NRXN3: variants seen among roughly 807,000 people sequenced by gnomAD.
NRXN3 encodes the protein neurexin III.
Under a neutral mutation model 137.6 loss-of-function variants are expected in NRXN3, and 32 were observed. That is an observed-to-expected ratio of 0.23 (90% CI 0.18 to 0.31). NRXN3 has a LOEUF of 0.31. Among genes scored for constraint, NRXN3 ranks in the 10% least tolerant of loss-of-function variants. NRXN3 has a pLI of 1.00. For synonymous variants in NRXN3, 798 were observed against 784.5 expected (o/e 1.02, Z -0.29); for missense variants, 1,574 against 2,062.5 (o/e 0.76, Z 4.59).
At chr14:78,467,503 G>C (rs1455527982) in intron 4 of NRXN3, among the ~76,000 whole-genome samples, 4 of 152,174 alleles carry the variant, frequency 2.6e-5, no homozygotes, top group East Asian at 1.9e-4. Context: ...TACAGCCCAG[G>C]TTATTAAAGT....
At chr14:78,946,261 A>G (rs1036940676) in intron 10 of NRXN3, among the ~76,000 whole-genome samples, 48 of 152,204 alleles carry the variant, frequency 3.2e-4, no homozygotes, top group African/African-American at 8.4e-4. Context: ...GGAAAGTGCT[A>G]TTTAGAGTTG....
Position 78,784,822 on chromosome 14 carries a change from C to T in NRXN3, c.2045-18798C>T, listed in dbSNP as rs537104651. Among the ~76,000 whole-genome samples the T allele has an allele frequency of 2.6e-5, 4 of 152,160 alleles. 1 individual carries two copies. In the South Asian group the frequency reaches 8.3e-4, roughly 32 times the overall value. On this transcript the variant is annotated intron_variant, in intron 8 of 20. Coordinates refer to ENST00000335750, the MANE Select transcript of NRXN3 (RefSeq NM_001330195.2). ...ATGACAGTAGAGTCAATGAGCCTTG[C>T]GTGTTCTCAGAAGATAGACTGAGAA...
chr14:78,536,310 A>T (rs181676270), intron 4 of NRXN3, among the ~76,000 whole-genome samples: 212 of 152,242 alleles, frequency 1.4e-3, no homozygotes, highest in African/African-American at 4.7e-3. Context: ...CATTTTCCCT[A>T]GATAGTAGCT....
At chr14:79,768,090 G>T (rs1346952662) in intron 19 of NRXN3, among the ~76,000 whole-genome samples, 1 of 152,226 alleles carries the variant, frequency 6.6e-6, no homozygotes, top group Non-Finnish European at 1.5e-5. Flanking sequence ...CGCACCAGGA[G>T]ATTATATCCC....
chr14:79,462,650 T>TAC (rs139095570), intron 15 of NRXN3, among the ~76,000 whole-genome samples: 16 of 150,958 alleles, frequency 1.1e-4, no homozygotes, highest in African/African-American at 3.2e-4. Context: ...CATATATATA[T>TAC]ACACACACAC....
intron 4 of NRXN3, chr14:78,300,641 C>A: frequency 6.6e-7 from 1 of 1,519,568 alleles, no homozygotes; most frequent in Non-Finnish European, 8.8e-7. Flanking sequence ...ATGGTGAACA[C>A]CATGCTTCCT....
At chr14:78,470,142 G>A (rs2095230660) in intron 4 of NRXN3, among the ~76,000 whole-genome samples, 1 of 152,088 alleles carries the variant, frequency 6.6e-6, no homozygotes, top group South Asian at 2.1e-4. Flanking sequence ...ATCTATTTTG[G>A]AGAAATATTT....
chr14:79,255,024 C>T (rs550301571), intron 15 of NRXN3, among the ~76,000 whole-genome samples: 6 of 152,282 alleles, frequency 3.9e-5, no homozygotes, highest in East Asian at 1.9e-4. Flanking sequence ...TGATTTAAGC[C>T]TTGTTTCATT....
At chr14:79,319,339 C>T (rs1359311299) in intron 15 of NRXN3, among the ~76,000 whole-genome samples, 3 of 152,174 alleles carry the variant, frequency 2.0e-5, no homozygotes, top group Middle Eastern at 3.2e-3. Context: ...ATTACTTTCT[C>T]ATAAATACTA....
At chr14:78,643,343 T>C (rs2097654182) in intron 4 of NRXN3, among the ~76,000 whole-genome samples, 1 of 152,170 alleles carries the variant, frequency 6.6e-6, no homozygotes, top group Non-Finnish European at 1.5e-5. Flanking sequence ...CTCCAATCTT[T>C]AGAGGGAAAC....
At chr14:79,811,611 T>A (rs1236751796) in intron 20 of NRXN3, among the ~76,000 whole-genome samples, 1 of 144,110 alleles carries the variant, frequency 6.9e-6, no homozygotes, top group African/African-American at 2.6e-5. Context: ...AGATGGAGTG[T>A]CACTCTGTCG....
intron 6 of NRXN3, among the ~76,000 whole-genome samples, chr14:78,653,743 A>ACACG (rs398025852): frequency 1.3e-4 from 19 of 151,446 alleles, no homozygotes; most frequent in African/African-American, 3.6e-4. Flanking sequence ...ACACACACAC[A>ACACG]TTTTTGCTGC....
At chr14:79,844,789 C>CCAGCTACATTAGCCCTT (rs1418270134) in intron 20 of NRXN3, among the ~76,000 whole-genome samples, 2 of 152,170 alleles carry the variant, frequency 1.3e-5, no homozygotes, top group African/African-American at 4.8e-5. Context: ...CTTTAAGTCA[C>CCAGCTACATTAGCCCTT]CAGCTACATT....
rs548969346 is a variant in NRXN3 at position 78,749,184 on chromosome 14, G to A, written c.2044+34045G>A. On this transcript the variant is annotated intron_variant, in intron 8 of 20. Transcript: ENST00000335750. Reference sequence around the variant, plus strand: ...GCAGTGACTTCTTCCTGGCTCTACTGTGGGCCTCCTGATGGATGGACATGG... The same window carrying A: ...GCAGTGACTTCTTCCTGGCTCTACTATGGGCCTCCTGATGGATGGACATGG... Among the ~76,000 whole-genome samples, 8 of 152,266 alleles carry A rather than the reference G, an allele frequency of 5.3e-5. No homozygotes were observed. In the East Asian group the frequency reaches 1.5e-3, roughly 29 times the overall value.
intron 15 of NRXN3, among the ~76,000 whole-genome samples, chr14:79,051,418 C>T (rs111401419): frequency 6.6e-6 from 1 of 152,126 alleles, no homozygotes; most frequent in Admixed American, 6.5e-5. Context: ...AAGGAACATG[C>T]CTTTAGCCGC....
chr14:78,774,059 C>T (rs1315231654), intron 8 of NRXN3, among the ~76,000 whole-genome samples: 1 of 152,152 alleles, frequency 6.6e-6, no homozygotes, highest in Non-Finnish European at 1.5e-5. Flanking sequence ...CTCGGCCTCC[C>T]AAAGTGCTGG....
chr14:78,772,270 T>G (rs1328659709), intron 8 of NRXN3, among the ~76,000 whole-genome samples: 1 of 152,172 alleles, frequency 6.6e-6, no homozygotes, highest in East Asian at 1.9e-4. Flanking sequence ...AGTGAAGCAA[T>G]TTAAGGAAAA....
At chr14:79,287,711 T>C (rs987488088) in intron 15 of NRXN3, among the ~76,000 whole-genome samples, 2 of 152,226 alleles carry the variant, frequency 1.3e-5, no homozygotes, top group African/African-American at 2.4e-5. Flanking sequence ...AGAGACATGG[T>C]CCTGATACAT....
chr14:78,619,577 G>T (rs1315750404), intron 4 of NRXN3, among the ~76,000 whole-genome samples: 3 of 152,088 alleles, frequency 2.0e-5, no homozygotes, highest in Non-Finnish European at 2.9e-5. Flanking sequence ...AATCATGGGG[G>T]TTGCTCCCTC....
Sources: allele counts gnomAD v4.1 joint callset (sites outside exome capture counted in the v4.1 genomes callset), GRCh38; gene constraint gnomAD v4.1.1; transcripts MANE v1.5; gene names NCBI Gene and HGNC (gene_info 2026-07-23, HGNC 2026-07-21).